ZNRF3: variants seen among roughly 807,000 people sequenced by gnomAD.
ZNRF3 encodes E3 ubiquitin-protein ligase ZNRF3.
A neutral mutation model predicts 72.5 loss-of-function variants in ZNRF3; 23 were observed. That is an observed-to-expected ratio of 0.32 (90% CI 0.23 to 0.45). The LOEUF (loss-of-function observed/expected upper bound fraction) is 0.45, where lower values mean the gene tolerates loss of function less well. Among genes scored for constraint, ZNRF3 ranks in the 20% least tolerant of loss-of-function variants. The pLI, the probability that ZNRF3 is intolerant of heterozygous loss-of-function variation, is 1.00. For synonymous variants in ZNRF3, 610 were observed against 545.3 expected (o/e 1.12, Z -1.65); for missense variants, 1,169 against 1,272.1 (o/e 0.92, Z 1.23).
chr22:28,912,450 C>T (rs961018138), intron 1 of ZNRF3, among the ~76,000 whole-genome samples: 9 of 152,066 alleles, frequency 5.9e-5, no homozygotes, highest in Middle Eastern at 3.4e-3. Context: ...GGATTACATC[C>T]GGGGATCAAG....
intron 8 of ZNRF3, among the ~76,000 whole-genome samples, chr22:29,053,126 C>G (rs1290878434): frequency 1.3e-5 from 2 of 152,188 alleles, no homozygotes; most frequent in Non-Finnish European, 2.9e-5. Flanking sequence ...TTCCAGCCCC[C>G]AGACCTGTCC....
chr22:29,005,532 T>C (rs946071578), intron 2 of ZNRF3, among the ~76,000 whole-genome samples: 1 of 152,166 alleles, frequency 6.6e-6, no homozygotes, highest in Non-Finnish European at 1.5e-5. Context: ...CCCATGTCTT[T>C]TGGGTCAGCA....
At chr22:28,941,207 C>T (rs1601585340) in intron 1 of ZNRF3, among the ~76,000 whole-genome samples, 1 of 152,122 alleles carries the variant, frequency 6.6e-6, no homozygotes, top group Non-Finnish European at 1.5e-5. Flanking sequence ...ATCAAGAGTC[C>T]TTTGCATGTG....
intron 2 of ZNRF3, among the ~76,000 whole-genome samples, chr22:29,034,915 C>T (rs57198336): frequency 0.016 from 2,420 of 151,802 alleles, 73 homozygotes; most frequent in African/African-American, 0.056. Flanking sequence ...TTAATAACTA[C>T]CGTGGAACAA....
intron 1 of ZNRF3, chr22:28,986,518 A>T: frequency 1.4e-6 from 1 of 706,272 alleles, no homozygotes; most frequent in Non-Finnish European, 1.7e-6. Flanking sequence ...TTTTGAAAAG[A>T]CCTCAAAGAA....
Position 28,906,017 on chromosome 22 carries a change from C to G in ZNRF3, c.300+21951C>G, listed in dbSNP as rs373033224. ...GTAAATCCAATGGCAGTCTGCTAAC[C>G]TCTTAGAGCTAAAAAAGCCTGTTGA... On this transcript the variant is annotated intron_variant, in intron 1 of 8. Transcript: ENST00000544604. Among the ~76,000 whole-genome samples the G allele has an allele frequency of 2.5e-3, 381 of 152,286 alleles. 19 individuals are homozygous for G. The South Asian group carries it at 0.075, about 30-fold the overall frequency.
chr22:28,956,353 CTTTTTTTTTTTTTTT>C (rs61155224), intron 1 of ZNRF3, among the ~76,000 whole-genome samples: 4 of 110,436 alleles, frequency 3.6e-5, no homozygotes, highest in South Asian at 3.0e-4. Context: ...TTTCCATTTC[CTTTTTTTTTTTTTTT>C]TTTTTTTTTA....
At chr22:29,039,784 CAAAAAAAA>C (rs397976678) in intron 2 of ZNRF3, among the ~76,000 whole-genome samples, 23 of 85,324 alleles carry the variant, frequency 2.7e-4, no homozygotes, top group Non-Finnish European at 4.1e-4. Context: ...TCGTCTCTAC[CAAAAAAAA>C]AAAAAAAAAA....
chr22:29,041,543 C>G (rs1386364196), intron 2 of ZNRF3, among the ~76,000 whole-genome samples: 1 of 152,160 alleles, frequency 6.6e-6, no homozygotes, highest in African/African-American at 2.4e-5. Context: ...TCTCATCCCT[C>G]TGATCAGTAG....
intron 2 of ZNRF3, among the ~76,000 whole-genome samples, chr22:29,038,963 TATAGAG>T (rs1183544786): frequency 6.6e-6 from 1 of 151,594 alleles, no homozygotes; most frequent in Non-Finnish European, 1.5e-5. Context: ...TATATATATA[TATAGAG>T]AGAGAGAGAG....
chr22:28,930,101 CT>C (rs995927044), intron 1 of ZNRF3, among the ~76,000 whole-genome samples: 19 of 151,274 alleles, frequency 1.3e-4, no homozygotes, highest in African/African-American at 4.4e-4. Context: ...TAGAATTTTG[CT>C]TTTTTTTGTC....
At chr22:28,952,267 G>T (rs2035176670) in intron 1 of ZNRF3, among the ~76,000 whole-genome samples, 1 of 152,174 alleles carries the variant, frequency 6.6e-6, no homozygotes, top group Non-Finnish European at 1.5e-5. Context: ...TGTTAACCTT[G>T]CTAAGTCCCA....
At chr22:28,918,537 C>CGTGTGTGT (rs56876101) in intron 1 of ZNRF3, among the ~76,000 whole-genome samples, 3 of 148,862 alleles carry the variant, frequency 2.0e-5, no homozygotes, top group South Asian at 4.3e-4. Context: ...TGCATGTGTG[C>CGTGTGTGT]GTGTGTGTGT....
chr22:28,974,196 C>G (rs982022725), intron 1 of ZNRF3, among the ~76,000 whole-genome samples: 1 of 152,030 alleles, frequency 6.6e-6, no homozygotes, highest in South Asian at 2.1e-4. Flanking sequence ...CTCCTGACCT[C>G]GTGATCCGCC....
intron 1 of ZNRF3, among the ~76,000 whole-genome samples, chr22:28,980,162 A>G (rs1220260918): frequency 1.5e-4 from 22 of 151,096 alleles, no homozygotes; most frequent in Admixed American, 1.4e-3. Context: ...GAAAATCCAT[A>G]TGGAAAACAG....
chr22:28,999,178 A>G (rs1352155747), intron 2 of ZNRF3, among the ~76,000 whole-genome samples: 1 of 151,280 alleles, frequency 6.6e-6, no homozygotes, highest in Non-Finnish European at 1.5e-5. Context: ...AAAAAAAAAA[A>G]AAAAAATTAG....
intron 1 of ZNRF3, among the ~76,000 whole-genome samples, chr22:28,979,354 ATCT>A (rs1272878529): frequency 6.6e-6 from 1 of 152,096 alleles, no homozygotes; most frequent in African/African-American, 2.4e-5. Context: ...TGGGGAGGAC[ATCT>A]TCTATTCTCC....
intron 1 of ZNRF3, among the ~76,000 whole-genome samples, chr22:28,933,728 CCCCACA>C (rs1569251033): frequency 1.9e-5 from 1 of 53,170 alleles, no homozygotes. Context: ...ACCCCACCCC[CCCCACA>C]CACACACACA....
At chr22:28,919,662 A>G (rs997326345) in intron 1 of ZNRF3, among the ~76,000 whole-genome samples, 2 of 149,914 alleles carry the variant, frequency 1.3e-5, no homozygotes, top group Non-Finnish European at 3.0e-5. Flanking sequence ...GCGTGCCACC[A>G]TGCCTGGCTA....
Sources: allele counts gnomAD v4.1 joint callset (sites outside exome capture counted in the v4.1 genomes callset), GRCh38; gene constraint gnomAD v4.1.1; transcripts MANE v1.5; gene names NCBI Gene and HGNC (gene_info 2026-07-23, HGNC 2026-07-21).